Variants in IGDCC4 observed in about 807,000 individuals in gnomAD.
IGDCC4 encodes the protein likely ortholog of mouse neighbor of Punc E11.
A neutral mutation model predicts 116.6 loss-of-function variants in IGDCC4; 72 were observed. That is an observed-to-expected ratio of 0.62 (90% CI 0.51 to 0.75). The LOEUF is 0.75. Ranked by LOEUF, IGDCC4 falls within the 30% of genes least tolerant of loss-of-function variation. The pLI, the probability that IGDCC4 is intolerant of heterozygous loss-of-function variation, is 0.00. For synonymous variants in IGDCC4, 709 were observed against 719.9 expected (o/e 0.98, Z 0.24); for missense variants, 1,501 against 1,662.4 (o/e 0.90, Z 1.69).
chr15:65,389,120 A>C (rs2091489194), intron 14 of IGDCC4, 142 bp from the exon 15 acceptor site: 2 of 1,137,790 alleles, frequency 1.8e-6, no homozygotes, highest in South Asian at 3.2e-5. Context: ...ATTCTAGAAA[A>C]CAGTATGTGT....
In IGDCC4 at chr15:65,389,400, T is replaced by A. The variant is rs1377557188; in HGVS notation, c.2420A>T (p.Asp807Val). The A allele has an allele frequency of 9.3e-6, 15 of 1,614,038 alleles. No homozygotes were observed. Among genetic ancestry groups the A allele is most frequent in the Non-Finnish European group, 1.3e-5 (15 of 1,180,032 alleles). ...TGGCTTCAAGCCGCCAATGAGGATG[T>A]CTTCTCCAGAACTGCTAAGGCAAGA... Reference protein sequence around the residue: ...LVTYYTSSGEDILIGGLKPFT... With the variant: ...LVTYYTSSGEVILIGGLKPFT... The change falls in exon 14 of 20, where the codon GAC becomes GTC. Residue 807 changes from aspartate (D) to valine (V), a missense_variant. Transcript: ENST00000352385.
rs1340349329 is a variant in IGDCC4, at chr15:65,391,022, C to T, written c.2225-684G>A. ...CCAAGATGGGTGGATCACCTGAGGT[C>T]GGGAGTTCAAGGCCAGCCTGGCCAA... On this transcript the variant is annotated intron_variant, in intron 12 of 19. Coordinates refer to ENST00000352385, the MANE Select transcript of IGDCC4 (RefSeq NM_020962.3). Among the ~76,000 whole-genome samples, 10 of 152,252 alleles carry T rather than the reference C, an allele frequency of 6.6e-5. No individual in the cohort carries two copies. The East Asian group carries it at 1.4e-3, about 21-fold the overall frequency.
chr15:65,410,094 G>T, intron 3 of IGDCC4, 84 bp downstream of exon 3: 2 of 1,510,604 alleles, frequency 1.3e-6, no homozygotes, highest in Admixed American at 1.7e-5. Context: ...CAGCTACCTC[G>T]ACTCTAAGAA....
chr15:65,397,659 G>A (rs2062940894), intron 5 of IGDCC4, among the ~76,000 whole-genome samples: 2 of 143,188 alleles, frequency 1.4e-5, no homozygotes, highest in Admixed American at 7.2e-5. Flanking sequence ...GTGAGACTCC[G>A]TCTCTATAAA....
rs188782695 is a variant in IGDCC4 at position 65,398,324 on chromosome 15, A to G, written c.842-1335T>C. The stretch of plus-strand genomic sequence containing the variant: ...CAAGGCGGGTGGATCACTTGAGGTC[A>G]GGAGTTCGAAACCAGACTGGCTAAC... On this transcript the variant is annotated intron_variant, in intron 5 of 19. Coordinates refer to ENST00000352385, the MANE Select transcript of IGDCC4 (RefSeq NM_020962.3). Among the ~76,000 whole-genome samples the G allele has an allele frequency of 4.1e-3, 631 of 152,070 alleles. 3 individuals carry two copies. The highest frequency in any genetic ancestry group is 7.0e-3 in the Non-Finnish European group (479 of 67,970).
chr15:65,396,903 A>AGAC lies in IGDCC4; in HGVS notation c.925_927dup (p.Val309dup). ...CGGGGCTTGTTGGCGCGGCAGACAT[A>AGAC]GACGCCGGAGTGCCAGGGCTGCGCG... On this transcript the variant is annotated inframe_insertion, in exon 6 of 20. Coordinates refer to ENST00000352385, the MANE Select transcript of IGDCC4 (RefSeq NM_020962.3). 6.4e-7 allele frequency: 1 copy of AGAC among 1,573,196 alleles called. No individual in the cohort carries two copies. The highest frequency in any genetic ancestry group is 2.3e-5 in the East Asian group (1 of 42,824).
intron 12 of IGDCC4, 48 bp downstream of exon 12, chr15:65,391,832 A>G (rs1567081976): frequency 6.5e-7 from 1 of 1,527,418 alleles, no homozygotes; most frequent in East Asian, 2.3e-5. Context: ...AGCGGCTAGC[A>G]GAGCCCTCAC....
At chr15:65,419,223 C>CT (rs541482808) in intron 1 of IGDCC4, among the ~76,000 whole-genome samples, 30,948 of 126,410 alleles carry the variant, frequency 0.24, 4,497 homozygotes, top group East Asian at 0.71. Context: ...GACCGCCATG[C>CT]TTTTTTTTTT....
At chr15:65,406,408 C>T (rs2063041567) in intron 3 of IGDCC4, among the ~76,000 whole-genome samples, 1 of 152,188 alleles carries the variant, frequency 6.6e-6, no homozygotes, top group Non-Finnish European at 1.5e-5. Flanking sequence ...TCATTGATTA[C>T]TAGTTCCCAT....
chr15:65,385,713 G>A (rs1595774415), intron 18 of IGDCC4, 118 bp downstream of exon 18: 1 of 847,864 alleles, frequency 1.2e-6, no homozygotes, highest in Non-Finnish European at 2.0e-6. Context: ...AGAGGCCCTA[G>A]CGTCCGCAGC....
intron 7 of IGDCC4, 137 bp downstream of exon 7, chr15:65,395,613 T>C (rs1161618387): frequency 1.0e-6 from 1 of 960,686 alleles, no homozygotes; most frequent in African/African-American, 1.7e-5. Context: ...TGCGGGTCTC[T>C]CCTATGGGCT....
At chr15:65,408,057 C>T (rs1293455448) in intron 3 of IGDCC4, among the ~76,000 whole-genome samples, 1 of 152,152 alleles carries the variant, frequency 6.6e-6, no homozygotes, top group Admixed American at 6.5e-5. Flanking sequence ...CGTGAGTCAC[C>T]GCGCCCAGCC....
rs765662347 is a variant in IGDCC4, at chr15:65,384,150, G to A, written c.3612C>T (p.Ala1204=). Residue 1204 remains alanine (A), a synonymous_variant, in exon 20 of 20, where the codon GCC becomes GCT. Coordinates refer to ENST00000352385, the MANE Select transcript of IGDCC4 (RefSeq NM_020962.3). This position sits in a 1 kb window ranked among gnomAD's most constrained non-coding sequence, Gnocchi z 4.9. The stretch of plus-strand genomic sequence containing the variant: ...GGTCCGGGTAGGAGCAGGAAGCACT[G>A]GCTGCCTCTGGCAAGCAGGTAAGTC... ...PDRLTCLPEA[A]SASCSYPDLQ... The A allele has an allele frequency of 6.2e-7, 1 of 1,613,594 alleles. No homozygotes were observed. Among genetic ancestry groups the A allele is most frequent in the Non-Finnish European group, 8.5e-7 (1 of 1,179,850 alleles).
At chr15:65,404,752 A>G (rs956769991) in intron 3 of IGDCC4, among the ~76,000 whole-genome samples, 3 of 152,202 alleles carry the variant, frequency 2.0e-5, no homozygotes, top group Non-Finnish European at 4.4e-5. Flanking sequence ...CAGCCAATAG[A>G]GGCAAGATGG....
chr15:65,398,427 G>C (rs547798354), intron 5 of IGDCC4, among the ~76,000 whole-genome samples: 1 of 150,902 alleles, frequency 6.6e-6, no homozygotes, highest in Non-Finnish European at 1.5e-5. Context: ...CCAGCTACTC[G>C]GGAAGCTGAG....
chr15:65,409,281 CAG>C (rs1371298789), intron 3 of IGDCC4, among the ~76,000 whole-genome samples: 5 of 152,254 alleles, frequency 3.3e-5, no homozygotes, highest in South Asian at 4.2e-4. Context: ...ACACAGGCAA[CAG>C]AAGGTTGGAT....
intron 4 of IGDCC4, 75 bp downstream of exon 4, chr15:65,402,276 C>G: frequency 6.6e-7 from 1 of 1,515,242 alleles, no homozygotes; most frequent in Non-Finnish European, 8.9e-7. Flanking sequence ...GCCTGGACCC[C>G]TTGAGGTCCC....
rs763475419 is a variant in IGDCC4, at chr15:65,384,275, C to A, written c.3487G>T (p.Ala1163Ser). 1.2e-6 allele frequency: 2 copies of A among 1,607,008 alleles called. No individual in the cohort carries two copies. Among genetic ancestry groups the A allele is most frequent in the South Asian group, 1.1e-5 (1 of 90,116 alleles). Reference sequence around the variant, plus strand: ...CCAACACCCGAGATGAGATCAGGAGCCTCTGGAGGCAGGGGGTCCTCAGGC... The same window carrying A: ...CCAACACCCGAGATGAGATCAGGAGACTCTGGAGGCAGGGGGTCCTCAGGC... Reference protein sequence around the residue: ...LEPEDPLPPEAPDLISGVGDP... With the variant: ...LEPEDPLPPESPDLISGVGDP... The change falls in exon 20 of 20, where the codon GCT (alanine) becomes TCT (serine). Residue 1163 changes from alanine to serine, a missense_variant. This residue lies in a region of IGDCC4 where 368 missense variants were observed against 355.6 expected (regional missense o/e 1.03). Transcript: ENST00000352385. This position sits in a 1 kb window ranked among gnomAD's most constrained non-coding sequence, Gnocchi z 4.9.
chr15:65,393,381 C>A lies in IGDCC4; in HGVS notation c.1865G>T (p.Ser622Ile). The A allele has an allele frequency of 1.9e-6, 3 of 1,612,430 alleles. No homozygotes were observed. Among genetic ancestry groups the A allele is most frequent in the Non-Finnish European group, 2.5e-6 (3 of 1,179,112 alleles). Residue 622 changes from serine to isoleucine, a missense_variant, in exon 10 of 20, where the codon AGT becomes ATT. Ser to Ile is a moderately radical substitution (Grantham distance 142). This residue lies in a region of IGDCC4 where 898 missense variants were observed against 978.9 expected (regional missense o/e 0.92). Transcript: ENST00000352385. The surrounding 1 kb of genome is among the most constrained non-coding windows in gnomAD (Gnocchi z 4.6). ...PSQWMHHRTP[S>I]MHNQSHVPFA... ...CGTACCATGGCTCTGGTTGTGCATA[C>A]TGGGCGTCCTGTGATGCATCCACTG...
Sources: gnomAD v4.1 joint callset for allele counts (sites outside exome capture counted in the v4.1 genomes callset) on GRCh38, gnomAD v4.1.1 for gene constraint, gnomAD v4.1.1 regional missense constraint, Gnocchi (gnomAD v3.1) non-coding constraint, MANE v1.5 for transcripts, NCBI Gene and HGNC (gene_info 2026-07-23, HGNC 2026-07-21) for gene names.